The following CAND1 variants were observed in gnomAD, a reference collection of about 807,000 sequenced individuals.
CAND1 encodes cullin-associated NEDD8-dissociated protein 1.
In CAND1, 7 loss-of-function variants were observed where a neutral mutation model predicts 108.5. The ratio of observed to expected loss-of-function variants is 0.06; its 90% CI spans 0.04 to 0.12. The LOEUF is 0.12. CAND1 is among the 10% of genes least tolerant of loss of function. The pLI is 1.00. For synonymous variants in CAND1, 534 were observed against 512.0 expected (o/e 1.04, Z -0.58); for missense variants, 941 against 1,448.7 (o/e 0.65, Z 5.69).
In CAND1 at chr12:67,314,320, A is replaced by G. The variant is rs1020784691; in HGVS notation, c.*1490A>G. On this transcript the variant is annotated 3_prime_UTR_variant, in exon 15 of 15. Coordinates refer to ENST00000545606, the MANE Select transcript of CAND1 (RefSeq NM_018448.5). ...TCCAAATATACAGTGATTTTAAATG[A>G]TAACATACTGTGGTTATTAGATTAA... 6.6e-6 allele frequency: 1 copy of G among 152,210 alleles called. No homozygotes were observed. Among genetic ancestry groups the G allele is most frequent in the Non-Finnish European group, 1.5e-5 (1 of 68,026 alleles). The allele number at this position is 152,210 out of a possible 1,614,324, so 9.4% of individuals were successfully genotyped here. A position where few individuals can be genotyped will look rare whatever the true frequency, so the allele number is the denominator to read the frequency against.
chr12:67,283,347 G>T (rs1031555042), intron 2 of CAND1, among the ~76,000 whole-genome samples: 4 of 152,196 alleles, frequency 2.6e-5, no homozygotes, highest in African/African-American at 9.6e-5. Flanking sequence ...ACTTTGGGAG[G>T]CCGAGGCAGG....
In CAND1 at chr12:67,317,471, TAA is replaced by T. The variant is rs2045019040; in HGVS notation, c.*4642_*4643del. On this transcript the variant is annotated 3_prime_UTR_variant, in exon 15 of 15. Transcript: ENST00000545606. ...TTCTTTTTTCTTTTTTTTTCTTTCT[TAA>T]TTTTTTTTTTTTTTTTTTTTTTTGA... 3 of 142,110 alleles carry T rather than the reference TAA, an allele frequency of 2.1e-5. No homozygotes were observed. The highest frequency in any genetic ancestry group is 8.4e-5 in the African/African-American group (3 of 35,728). The allele number at this position is 142,110 out of a possible 1,614,324, so 8.8% of individuals were successfully genotyped here.
intron 1 of CAND1, among the ~76,000 whole-genome samples, chr12:67,280,552 T>C (rs983303606): frequency 4.6e-5 from 7 of 152,226 alleles, no homozygotes; most frequent in Admixed American, 4.6e-4. Flanking sequence ...AAGTGTTAAC[T>C]AGTTATCTTA....
intron 1 of CAND1, among the ~76,000 whole-genome samples, chr12:67,272,582 A>G (rs923614307): frequency 1.3e-5 from 2 of 152,212 alleles, no homozygotes; most frequent in African/African-American, 4.8e-5. Flanking sequence ...AGTATTGTGC[A>G]TTATTTAAAA....
At chr12:67,281,044 C>T (rs1249399851) in intron 1 of CAND1, among the ~76,000 whole-genome samples, 17 of 151,980 alleles carry the variant, frequency 1.1e-4, no homozygotes, top group African/African-American at 3.9e-4. Context: ...AGTTCAAGAC[C>T]AGCCTGGGCA....
At chr12:67,311,627 G>A in intron 13 of CAND1, 66 bp from the exon 14 acceptor site, 1 of 742,442 alleles carries the variant, frequency 1.3e-6, no homozygotes, top group Non-Finnish European at 2.0e-6. Flanking sequence ...GGATTTGTCA[G>A]AATTTAGTAT....
intron 1 of CAND1, among the ~76,000 whole-genome samples, chr12:67,279,791 A>T (rs943488763): frequency 8.5e-5 from 13 of 152,212 alleles, no homozygotes; most frequent in Non-Finnish European, 1.5e-5. Flanking sequence ...CGGTAGAACC[A>T]TACAGGACCA....
rs1313232541 is a variant in CAND1, at chr12:67,305,250, G to A, written c.1582G>A (p.Val528Ile). 6.2e-7 allele frequency: 1 copy of A among 1,614,142 alleles called. No homozygotes were observed. The highest frequency in any genetic ancestry group is 1.7e-5 in the Admixed American group (1 of 60,016). Residue 528 changes from valine (V) to isoleucine (I), a missense_variant, in exon 10 of 15, where the codon GTT becomes ATT. Physicochemically the swap from Val to Ile is conservative, Grantham distance 29. This residue lies in a region of CAND1 where 697 missense variants were observed against 942.0 expected (regional missense o/e 0.74). Coordinates refer to ENST00000545606, the MANE Select transcript of CAND1 (RefSeq NM_018448.5). This position sits in a 1 kb window ranked among gnomAD's most constrained non-coding sequence, Gnocchi z 4.4. ...TTTGGTTCCTCCAGTGGTGGCTTGT[G>A]TTGGAGACCCATTTTACAAAATTAC... ...QALVPPVVAC[V>I]GDPFYKITSE... is the part of the protein sequence containing the mutation.
intron 1 of CAND1, among the ~76,000 whole-genome samples, chr12:67,280,839 GC>G (rs2044612817): frequency 6.7e-6 from 1 of 150,244 alleles, no homozygotes; most frequent in African/African-American, 2.5e-5. Context: ...TTTTTGCCAG[GC>G]AACACACTGT....
At chr12:67,269,940 C>G (rs1047334926) in intron 1 of CAND1, 155 bp downstream of exon 1, 37 of 591,900 alleles carry the variant, frequency 6.3e-5, no homozygotes, top group East Asian at 1.3e-4. Flanking sequence ...CCGATCCCTG[C>G]GGAGCCCCTT....
intron 1 of CAND1, chr12:67,270,235 C>G (rs572800889): frequency 6.1e-4 from 99 of 161,134 alleles, no homozygotes; most frequent in Middle Eastern, 3.0e-3. Flanking sequence ...CACTCGGGGA[C>G]CCGGCAGCCT....
chr12:67,269,700 G>T lies in CAND1; in HGVS notation c.-18G>T. The T allele has an allele frequency of 1.9e-6, 3 of 1,595,704 alleles. No individual in the cohort carries two copies. The highest frequency in any genetic ancestry group is 2.3e-5 in the East Asian group (1 of 42,800). ...AGCAGCTCCAGCAGCGCCAGCAGGC[G>T]GGATCGAGGCCGTCAACATGGCGAG... On this transcript the variant is annotated 5_prime_UTR_variant, in exon 1 of 15. Coordinates refer to ENST00000545606, the MANE Select transcript of CAND1 (RefSeq NM_018448.5).
rs61481589 is a variant in CAND1, at chr12:67,317,473, A to AT, written c.*4666dup. The AT allele has an allele frequency of 0.066, 5,800 of 88,218 alleles. 296 individuals carry two copies. Among genetic ancestry groups the AT allele is most frequent in the African/African-American group, 0.17 (3,236 of 18,560 alleles). The allele number at this position is 88,218 out of a possible 1,614,324, so 5.5% of individuals were successfully genotyped here. A position where few individuals can be genotyped will look rare whatever the true frequency, so the allele number is the denominator to read the frequency against. On this transcript the variant is annotated 3_prime_UTR_variant, in exon 15 of 15. Coordinates refer to ENST00000545606, the MANE Select transcript of CAND1 (RefSeq NM_018448.5). ...CTTTTTTCTTTTTTTTTCTTTCTTAATTTTTTTTTTTTTTTTTTTTTTTGA... is the reference window on the plus strand; with the variant it reads ...CTTTTTTCTTTTTTTTTCTTTCTTAATTTTTTTTTTTTTTTTTTTTTTTTGA...
At chr12:67,301,566 T>G (rs1305874357) in intron 7 of CAND1, among the ~76,000 whole-genome samples, 1 of 152,154 alleles carries the variant, frequency 6.6e-6, no homozygotes, top group East Asian at 1.9e-4. Flanking sequence ...CAAGTATAGA[T>G]AAGTGAGATA....
chr12:67,304,243 C>T (rs1404680121), intron 8 of CAND1, among the ~76,000 whole-genome samples: 1 of 152,160 alleles, frequency 6.6e-6, no homozygotes, highest in African/African-American at 2.4e-5. Flanking sequence ...CTGCCTCAGC[C>T]TCCCAAAGTG....
intron 11 of CAND1, among the ~76,000 whole-genome samples, chr12:67,307,917 T>C (rs1193925136): frequency 1.3e-5 from 2 of 151,946 alleles, no homozygotes; most frequent in African/African-American, 4.8e-5. Context: ...TATGGAGATT[T>C]CCATATTTAA....
At chr12:67,308,238 C>T (rs900970065) in intron 11 of CAND1, among the ~76,000 whole-genome samples, 6 of 151,944 alleles carry the variant, frequency 3.9e-5, no homozygotes, top group African/African-American at 1.4e-4. Context: ...TGCCATTCTT[C>T]AGTGTGCCAG....
At chr12:67,271,357 C>T (rs997831226) in intron 1 of CAND1, among the ~76,000 whole-genome samples, 10 of 152,126 alleles carry the variant, frequency 6.6e-5, no homozygotes, top group Non-Finnish European at 1.5e-4. Context: ...TGATTTCCTC[C>T]CCATTGCTGT....
chr12:67,281,891 A>G lies in CAND1; in HGVS notation c.69-19A>G. ...ATGCTTTAAAATTTTCAAATTAACA[A>G]ATTTTATTTTTTTGATAGGTTTATG... On this transcript the variant is annotated intron_variant, in intron 1 of 14. Coordinates refer to ENST00000545606, the MANE Select transcript of CAND1 (RefSeq NM_018448.5). 5.2e-6 allele frequency: 8 copies of G among 1,543,756 alleles called. No individual in the cohort carries two copies. The highest frequency in any genetic ancestry group is 2.3e-5 in the East Asian group (1 of 43,364).
Sources: allele counts gnomAD v4.1 joint callset (sites outside exome capture counted in the v4.1 genomes callset), GRCh38; gene constraint gnomAD v4.1.1; regional missense constraint gnomAD v4.1.1; non-coding constraint Gnocchi (gnomAD v3.1); transcripts MANE v1.5; gene names NCBI Gene and HGNC (gene_info 2026-07-23, HGNC 2026-07-21).